The following LEMD3 variants were observed in gnomAD, a reference collection of about 807,000 sequenced individuals.
LEMD3 encodes the protein LEM domain containing 3.
In LEMD3, 33 loss-of-function variants were observed where a neutral mutation model predicts 95.2. The observed-to-expected ratio is 0.35, with a 90% CI of 0.26 to 0.46. The LOEUF is 0.46. Ranked by LOEUF, LEMD3 falls within the 20% of genes least tolerant of loss-of-function variation. LEMD3 has a pLI of 1.00. For synonymous variants in LEMD3, 525 were observed against 474.6 expected, an observed-to-expected ratio of 1.11 and a Z score of -1.38; for missense variants, 1,210 against 1,192.8, an observed-to-expected ratio of 1.01 and a Z score of -0.21.
chr12:65,189,162 C>T (rs1054906779), intron 1 of LEMD3, among the ~76,000 whole-genome samples: 1 of 152,122 alleles, frequency 6.6e-6, no homozygotes, highest in African/African-American at 2.4e-5. Context: ...TATGGTCTCT[C>T]TCAAAATATC....
At chr12:65,196,177 A>C (rs1381212005) in intron 1 of LEMD3, among the ~76,000 whole-genome samples, 4 of 151,598 alleles carry the variant, frequency 2.6e-5, no homozygotes, top group African/African-American at 7.3e-5. Context: ...TAGATAAAGA[A>C]TAGGCAGAGG....
intron 1 of LEMD3, among the ~76,000 whole-genome samples, chr12:65,193,266 G>A (rs1408030279): frequency 6.6e-6 from 1 of 152,158 alleles, no homozygotes; most frequent in Non-Finnish European, 1.5e-5. Context: ...ATACTTGGAA[G>A]AGGGCCAAGT....
At chr12:65,214,715 T>C (rs965292081) in intron 2 of LEMD3, among the ~76,000 whole-genome samples, 53 of 152,198 alleles carry the variant, frequency 3.5e-4, no homozygotes, top group Admixed American at 6.5e-5. Flanking sequence ...GTTCATCCAG[T>C]AAATCTGTTT....
Position 65,170,421 on chromosome 12 carries a change from A to G in LEMD3, c.825A>G (p.Val275=), listed in dbSNP as rs1197483024. The G allele has an allele frequency of 2.5e-6, 4 of 1,613,868 alleles. No homozygotes were observed. The highest frequency in any genetic ancestry group is 3.3e-5 in the Admixed American group (2 of 59,994). The change falls in exon 1 of 13, where the codon GTA becomes GTG. Residue 275 remains valine (V), a synonymous_variant. Coordinates refer to ENST00000308330, the MANE Select transcript of LEMD3 (RefSeq NM_014319.5). Reference sequence around the variant, plus strand: ...ACGACGTGGCCTCCAGCAGACAGGTATTAAAGGACGACTCCCTTTCCCGGC... The same window carrying G: ...ACGACGTGGCCTCCAGCAGACAGGTGTTAAAGGACGACTCCCTTTCCCGGC... ...DDDDVASSRQ[V]LKDDSLSRHR... is the part of the protein sequence containing the mutation.
At chr12:65,222,858 TAC>T (rs1297744688) in intron 4 of LEMD3, among the ~76,000 whole-genome samples, 1 of 152,056 alleles carries the variant, frequency 6.6e-6, no homozygotes, top group African/African-American at 2.4e-5. Context: ...TTTATTTTAA[TAC>T]ATTTATAATT....
chr12:65,211,071 TAAAC>T lies in LEMD3; in HGVS notation c.1560+111_1560+114del, dbSNP rs1176555965. The T allele has an allele frequency of 3.1e-5, 26 of 832,086 alleles. No individual in the cohort carries two copies. The East Asian group carries it at 4.0e-4, about 13-fold the overall frequency. The allele number at this position is 832,086 out of a possible 1,614,324, so 51.5% of individuals were successfully genotyped here. On this transcript the variant is annotated intron_variant, in intron 2 of 12. Transcript: ENST00000308330. Reference sequence around the variant, plus strand: ...AGTAATTTTAAAGTTATTTTAGTCTTAAACAATAGGTTTTATCAACTTAAAAAAA... The same window carrying T: ...AGTAATTTTAAAGTTATTTTAGTCTTAATAGGTTTTATCAACTTAAAAAAA...
At chr12:65,216,914 C>T (rs1305640282) in intron 3 of LEMD3, among the ~76,000 whole-genome samples, 2 of 152,140 alleles carry the variant, frequency 1.3e-5, no homozygotes, top group Non-Finnish European at 1.5e-5. Context: ...TCGCTAAAAG[C>T]CTTCTTTGCT....
intron 1 of LEMD3, among the ~76,000 whole-genome samples, chr12:65,190,165 G>C (rs181440846): frequency 5.3e-5 from 8 of 152,232 alleles, no homozygotes; most frequent in Admixed American, 2.0e-4. Flanking sequence ...TTGTTACAAA[G>C]AGAACAGATT....
intron 8 of LEMD3, 68 bp downstream of exon 8, chr12:65,240,306 T>C: frequency 1.7e-6 from 2 of 1,168,242 alleles, no homozygotes; most frequent in Non-Finnish European, 2.6e-6. Context: ...TATTGAAAAT[T>C]ATATTGAGAG....
chr12:65,240,013 T>C lies in LEMD3; in HGVS notation c.2006T>C (p.Met669Thr), dbSNP rs772706117. ...EEEETRQMYD[M>T]VVKIIDVLRS... ...GAGGAAACAAGGCAGATGTATGATA[T>C]GGTGGTAAAGATTATAGGTATGATA... Residue 669 changes from methionine to threonine, a missense_variant, in exon 7 of 13, where the codon ATG (methionine) becomes ACG (threonine). Physicochemically the swap from Met to Thr is moderately conservative, Grantham distance 81. This residue lies in a region of LEMD3 where 461 missense variants were observed against 569.8 expected (regional missense o/e 0.81). Transcript: ENST00000308330. The C allele has an allele frequency of 3.2e-5, 52 of 1,606,980 alleles. No homozygotes were observed. Among genetic ancestry groups the C allele is most frequent in the Non-Finnish European group, 3.9e-5 (46 of 1,173,766 alleles).
chr12:65,222,486 A>G (rs569828093), intron 4 of LEMD3, among the ~76,000 whole-genome samples: 1 of 152,194 alleles, frequency 6.6e-6, no homozygotes, highest in Non-Finnish European at 1.5e-5. Context: ...TTTCAGAAGA[A>G]TTTGAATAGG....
intron 6 of LEMD3, among the ~76,000 whole-genome samples, chr12:65,239,364 G>T (rs898269799): frequency 6.6e-6 from 1 of 151,994 alleles, no homozygotes; most frequent in Non-Finnish European, 1.5e-5. Flanking sequence ...AGCCTGGGAA[G>T]CATAGACCCT....
chr12:65,206,881 A>G (rs1158534874), intron 1 of LEMD3, among the ~76,000 whole-genome samples: 1 of 152,156 alleles, frequency 6.6e-6, no homozygotes, highest in African/African-American at 2.4e-5. Flanking sequence ...GTTTTAGAGC[A>G]TGCTTTCTTT....
In LEMD3 at chr12:65,245,251, C is replaced by G. The variant is rs193023141; in HGVS notation, c.2388-418C>G. 296 of 180,038 alleles carry G rather than the reference C, an allele frequency of 1.6e-3. 1 individual carries two copies. The highest frequency in any genetic ancestry group is 6.9e-3 in the African/African-American group (286 of 41,520). 11.2% of individuals were successfully genotyped at this position (180,038 alleles called of 1,614,324 possible). A position where few individuals can be genotyped will look rare whatever the true frequency, so the allele number is the denominator to read the frequency against. On this transcript the variant is annotated intron_variant, in intron 10 of 12. Transcript: ENST00000308330. ...GTTCACGCCATTCTCCTGCCTCAGCCTCCCGAGTAGCTGGGACTACAGACA... is the reference window on the plus strand; with the variant it reads ...GTTCACGCCATTCTCCTGCCTCAGCGTCCCGAGTAGCTGGGACTACAGACA...
At chr12:65,189,886 G>T (rs1040709798) in intron 1 of LEMD3, among the ~76,000 whole-genome samples, 21 of 152,166 alleles carry the variant, frequency 1.4e-4, no homozygotes, top group African/African-American at 3.9e-4. Flanking sequence ...AGTAGACTTT[G>T]CCCGTAATAC....
Position 65,169,634 on chromosome 12 carries a change from C to G in LEMD3, c.38C>G (p.Ser13Trp). The G allele has an allele frequency of 6.3e-7, 1 of 1,589,528 alleles. No homozygotes were observed. Among genetic ancestry groups the G allele is most frequent in the South Asian group, 1.1e-5 (1 of 87,786 alleles). The change falls in exon 1 of 13, where the codon TCG becomes TGG. Residue 13 changes from serine (S) to tryptophan (W), a missense_variant. Ser to Trp is a radical substitution (Grantham distance 177). Transcript: ENST00000308330. ...GCAGCTTCGGCGCCTCAGCAGCTCT[C>G]GGATGAGGAGCTTTTCTCTCAGCTC... is the stretch of plus-strand genomic sequence containing the variant. ...AAAASAPQQLSDEELFSQLRR... is the reference protein window; with the variant it reads ...AAAASAPQQLWDEELFSQLRR...
Position 65,215,978 on chromosome 12 carries a change from A to G in LEMD3, c.1562A>G (p.Glu521Gly), listed in dbSNP as rs1870097901. Residue 521 changes from glutamate to glycine, a missense_variant and splice_region_variant, in exon 3 of 13, where the codon GAA becomes GGA. By Grantham distance (98) the Glu-to-Gly change is moderately conservative. Around this residue, in one of 2 missense-constraint regions of LEMD3, gnomAD observed 461 missense variants for 569.8 expected, o/e 0.81. Transcript: ENST00000308330. ...PFGETFGKIQ[E>G]SEKTLMMNTL... ...CATAATAACTTCTCTTAATTTTAGG[A>G]AAGTGAAAAAACTCTTATGATGAAC... 6.8e-7 allele frequency: 1 copy of G among 1,468,842 alleles called. No individual in the cohort carries two copies. Among genetic ancestry groups the G allele is most frequent in the Non-Finnish European group, 9.4e-7 (1 of 1,066,334 alleles). The allele number at this position is 1,468,842 out of a possible 1,614,324, so 91.0% of individuals were successfully genotyped here. A position where few individuals can be genotyped will look rare whatever the true frequency, so the allele number is the denominator to read the frequency against.
chr12:65,183,347 A>G (rs1174750298), intron 1 of LEMD3, among the ~76,000 whole-genome samples: 1 of 152,156 alleles, frequency 6.6e-6, no homozygotes, highest in African/African-American at 2.4e-5. Flanking sequence ...CCATATTTCA[A>G]GTGCTCAGTA....
At chr12:65,219,088 A>AT (rs1312327259) in intron 4 of LEMD3, among the ~76,000 whole-genome samples, 1 of 151,856 alleles carries the variant, frequency 6.6e-6, no homozygotes, top group Non-Finnish European at 1.5e-5. Context: ...CACCTGTTCA[A>AT]TTTTTTTTAG....
Sources: allele counts gnomAD v4.1 joint callset (sites outside exome capture counted in the v4.1 genomes callset), GRCh38; gene constraint gnomAD v4.1.1; regional missense constraint gnomAD v4.1.1; transcripts MANE v1.5; gene names NCBI Gene and HGNC (gene_info 2026-07-23, HGNC 2026-07-21).